PRDM1: variants seen among roughly 807,000 people sequenced by gnomAD.
The protein encoded by PRDM1 is PR/SET domain 1, also known as PR domain zinc finger protein 1.
Under a neutral mutation model 62.8 loss-of-function variants are expected in PRDM1, and 13 were observed. The observed-to-expected ratio is 0.21, with a 90% CI of 0.13 to 0.33. The LOEUF is 0.33. Among genes scored for constraint, PRDM1 ranks in the 10% least tolerant of loss-of-function variants. The probability of loss-of-function intolerance (pLI) is 1.00; values close to 1 mark genes in which losing one functional copy is unlikely to be tolerated. For synonymous variants in PRDM1, 396 were observed against 417.6 expected (o/e 0.95, Z 0.63); for missense variants, 895 against 1,058.8 (o/e 0.85, Z 2.15).
At position 106,108,309 on chromosome 6, in the gene PRDM1, C is replaced by G; in HGVS notation, c.*823C>G. The G allele has an allele frequency of 4.3e-6, 1 of 233,726 alleles. No homozygotes were observed. The highest frequency in any genetic ancestry group is 8.5e-6 in the Non-Finnish European group (1 of 118,028). The allele number at this position is 233,726 out of a possible 1,614,324, so 14.5% of individuals were successfully genotyped here. A position where few individuals can be genotyped will look rare whatever the true frequency, so the allele number is the denominator to read the frequency against. On this transcript the variant is annotated 3_prime_UTR_variant, in exon 7 of 7. Coordinates refer to ENST00000369096, the MANE Select transcript of PRDM1 (RefSeq NM_001198.4). ...GTCTCTCCCTCCAAAAGAGCAGAAT[C>G]CTCCCACCGCCCTGCCCTCCCCACC...
chr6:106,089,927 A>G (rs1189461775), intron 2 of PRDM1, among the ~76,000 whole-genome samples: 1 of 152,186 alleles, frequency 6.6e-6, no homozygotes, highest in East Asian at 1.9e-4. Context: ...AAAAATCTCC[A>G]TTCTGTGGGT....
upstream of PRDM1, among the ~76,000 whole-genome samples, chr6:106,047,477 C>G (rs558184468): frequency 6.0e-4 from 92 of 152,284 alleles, no homozygotes; most frequent in South Asian, 6.6e-3. Flanking sequence ...AATTGCATAG[C>G]TTCTTTTCAT....
At chr6:106,034,636 T>TCTC (rs59288552) in intron 1 of PRDM1, among the ~76,000 whole-genome samples, 3 of 4,324 alleles carry the variant, frequency 6.9e-4, no homozygotes, top group African/African-American at 2.6e-3. Context: ...GTTCTCTCTC[T>TCTC]TTTTTTTTTT....
At chr6:106,010,432 A>G (rs1159866599) in intron 1 of PRDM1, among the ~76,000 whole-genome samples, 1 of 152,202 alleles carries the variant, frequency 6.6e-6, no homozygotes, top group Non-Finnish European at 1.5e-5. Context: ...CTCCCAAACA[A>G]GAAATCTATG....
At chr6:106,082,510 A>G (rs1475242029), upstream of PRDM1, among the ~76,000 whole-genome samples, 2 of 152,208 alleles carry the variant, frequency 1.3e-5, no homozygotes, top group Non-Finnish European at 2.9e-5. Context: ...TGAGAATACA[A>G]CTGTCTTTCT....
In PRDM1 at chr6:106,034,635, C is replaced by CTCTTTTTT. The variant is rs745833853; in HGVS notation, c.-67+40997_-67+40998insCTTTTTTT. Among the ~76,000 whole-genome samples the CTCTTTTTT allele has an allele frequency of 4.6e-4, 41 of 88,416 alleles. 2 individuals carry two copies. Among genetic ancestry groups the CTCTTTTTT allele is most frequent in the Non-Finnish European group, 5.8e-4 (29 of 49,676 alleles). The allele number at this position is 88,416 out of a possible 152,430, so 58.0% of individuals were successfully genotyped here. ...TCTTACAGTCTTTCATGTTCTCTCT[C>CTCTTTTTT]TTTTTTTTTTTTTTTTTTTGAGATG... On this transcript the variant is annotated intron_variant, in intron 1 of 6. Transcript: ENST00000652320.
intron 3 of PRDM1, among the ~76,000 whole-genome samples, chr6:106,097,303 T>C (rs1406960173): frequency 1.3e-5 from 2 of 152,232 alleles, no homozygotes; most frequent in Non-Finnish European, 2.9e-5. Context: ...TGTGATTATT[T>C]TGAGAAAAGG....
At chr6:106,099,662 A>C in intron 4 of PRDM1, 110 bp downstream of exon 4, 1 of 1,447,702 alleles carries the variant, frequency 6.9e-7, no homozygotes, top group Non-Finnish European at 9.2e-7. Context: ...TGTTGGATGA[A>C]GTAGGTGGCT....
intron 1 of PRDM1, among the ~76,000 whole-genome samples, chr6:106,066,052 T>C (rs1478129827): frequency 6.6e-6 from 1 of 152,188 alleles, no homozygotes; most frequent in Non-Finnish European, 1.5e-5. Context: ...AAATCAAGGA[T>C]TTTCAATTAG....
chr6:106,109,387 C>G lies in PRDM1; in HGVS notation c.*1901C>G, dbSNP rs1774620972. On this transcript the variant is annotated 3_prime_UTR_variant, in exon 7 of 7. Transcript: ENST00000369096. ...ACCGCTGCAATTTTTCTGTTTTCCT[C>G]CTTACTAAATACTGATACATTACTC... The G allele has an allele frequency of 4.3e-6, 1 of 233,128 alleles. No homozygotes were observed. Among genetic ancestry groups the G allele is most frequent in the Non-Finnish European group, 8.5e-6 (1 of 117,790 alleles). The allele number at this position is 233,128 out of a possible 1,614,324, so 14.4% of individuals were successfully genotyped here.
At chr6:106,045,376 A>G (rs1437456675), upstream of PRDM1, 1 of 152,146 alleles carries the variant, frequency 6.6e-6, no homozygotes, top group Non-Finnish European at 1.5e-5. Flanking sequence ...TTCATATTAG[A>G]CTGTTTAAAA....
rs544658181 is a variant in PRDM1 at position 106,108,180 on chromosome 6, T to C, written c.*694T>C. The C allele has an allele frequency of 1.3e-5, 3 of 233,416 alleles. No individual in the cohort carries two copies. Among genetic ancestry groups the C allele is most frequent in the Non-Finnish European group, 2.5e-5 (3 of 117,914 alleles). The allele number at this position is 233,416 out of a possible 1,614,324, so 14.5% of individuals were successfully genotyped here. The stretch of plus-strand genomic sequence containing the variant: ...CAGGATTACCCAAGAATAACTTAAG[T>C]AGAAGAAACAAGAAAGGGAATCTTG... On this transcript the variant is annotated 3_prime_UTR_variant, in exon 7 of 7. Coordinates refer to ENST00000369096, the MANE Select transcript of PRDM1 (RefSeq NM_001198.4).
rs952012436 is a variant in PRDM1, at chr6:106,086,440, G to C, written c.-114G>C. 5.8e-6 allele frequency: 6 copies of C among 1,030,156 alleles called. No individual in the cohort carries two copies. The East Asian group carries it at 1.6e-4, about 28-fold the overall frequency. 63.8% of individuals were successfully genotyped at this position (1,030,156 alleles called of 1,614,324 possible). On this transcript the variant is annotated 5_prime_UTR_variant, in exon 1 of 7. Coordinates refer to ENST00000369096, the MANE Select transcript of PRDM1 (RefSeq NM_001198.4). Reference sequence around the variant, plus strand: ...GCCCGGAGCTGGGACGCGGGCGCCCGGGCGGCCGGACGAAGCGAGGAGGGA... The same window carrying C: ...GCCCGGAGCTGGGACGCGGGCGCCCCGGCGGCCGGACGAAGCGAGGAGGGA...
At chr6:106,014,858 A>G (rs539231608) in intron 1 of PRDM1, among the ~76,000 whole-genome samples, 31 of 152,210 alleles carry the variant, frequency 2.0e-4, no homozygotes, top group African/African-American at 7.0e-4. Flanking sequence ...GTGATCAAAA[A>G]TAGTTTGGGA....
At position 106,088,524 on chromosome 6, in the gene PRDM1, A is replaced by T. The variant is rs537735179; in HGVS notation, c.291+75A>T. On this transcript the variant is annotated intron_variant, in intron 2 of 6. Transcript: ENST00000369096. ...TCCCTACTTGCCCTTGAGGCCTTGT[A>T]TATCTCTGAAAACCTCTGAGAATCT... 1.9e-5 allele frequency: 30 copies of T among 1,538,580 alleles called. No homozygotes were observed. In the South Asian group the frequency reaches 3.0e-4, roughly 15 times the overall value.
rs762607868 is a variant in PRDM1 at position 106,105,180 on chromosome 6, A to C, written c.1020A>C (p.Arg340Ser). The change falls in exon 5 of 7, where the codon AGA becomes AGC. Residue 340 changes from arginine to serine, a missense_variant. Around this residue, in one of 4 missense-constraint regions of PRDM1, gnomAD observed 444 missense variants for 422.7 expected, o/e 1.05. Transcript: ENST00000369096. ...CCACCACTCCAAGCCCCTCTGCAAG[A>C]AGCAGCCCCGACCAAAGCCTCAAGA... is the stretch of plus-strand genomic sequence containing the variant. ...PSSTTPSPSARSSPDQSLKSS... is the reference protein window; with the variant it reads ...PSSTTPSPSASSSPDQSLKSS... The C allele has an allele frequency of 4.3e-6, 7 of 1,613,288 alleles. No individual in the cohort carries two copies. Among genetic ancestry groups the C allele is most frequent in the Non-Finnish European group, 5.9e-6 (7 of 1,179,846 alleles).
chr6:106,051,642 G>A (rs1210616721), intron 1 of PRDM1, among the ~76,000 whole-genome samples: 3 of 152,096 alleles, frequency 2.0e-5, no homozygotes, highest in Non-Finnish European at 2.9e-5. Flanking sequence ...TTTCCTTTCC[G>A]TCTGGAAAAA....
intron 1 of PRDM1, among the ~76,000 whole-genome samples, chr6:106,032,984 C>T (rs1772867650): frequency 6.6e-6 from 1 of 152,038 alleles, no homozygotes; most frequent in Non-Finnish European, 1.5e-5. Context: ...ATTTAATCCT[C>T]ACAAAAGCCC....
intron 3 of PRDM1, chr6:106,098,722 G>T: frequency 1.4e-6 from 2 of 1,402,174 alleles, no homozygotes; most frequent in Non-Finnish European, 1.9e-6. Flanking sequence ...CCACAAAAAG[G>T]CAAGGTTCCA....
Sources: gnomAD v4.1 joint callset for allele counts (sites outside exome capture counted in the v4.1 genomes callset) on GRCh38, gnomAD v4.1.1 for gene constraint, gnomAD v4.1.1 regional missense constraint, MANE v1.5 for transcripts, NCBI Gene and HGNC (gene_info 2026-07-23, HGNC 2026-07-21) for gene names.